The following GRIK3 variants were observed in gnomAD, a reference collection of about 807,000 sequenced individuals.
GRIK3 encodes glutamate ionotropic receptor kainate type subunit 3.
GRIK3 carries 29 observed loss-of-function variants against 102.5 expected under a neutral mutation model. The observed-to-expected ratio is 0.28, with a 90% CI of 0.21 to 0.39. The LOEUF (loss-of-function observed/expected upper bound fraction) is 0.39. GRIK3 is among the 10% of genes least tolerant of loss of function. GRIK3 has a pLI of 1.00. For missense variants in GRIK3, 908 were observed against 1,252.4 expected, an observed-to-expected ratio of 0.73 and a Z score of 4.15; for synonymous variants, 511 against 504.9, an observed-to-expected ratio of 1.01 and a Z score of -0.16.
chr1:36,842,478 C>A (rs1176411626), intron 9 of GRIK3, among the ~76,000 whole-genome samples: 2 of 152,200 alleles, frequency 1.3e-5, no homozygotes, highest in African/African-American at 4.8e-5. Context: ...CTTCAGAAAG[C>A]CGTCTGCTCT....
In GRIK3 at chr1:36,862,339, T is replaced by C. The variant is rs145492426; in HGVS notation, c.787-2322A>G. The stretch of plus-strand genomic sequence containing the variant: ...CTTTCAGAGAGCTGGTTGTTAAACA[T>C]TGACTGATGCATCGTTGATTGTCTT... On this transcript the variant is annotated intron_variant, in intron 5 of 15. Coordinates refer to ENST00000373091, the MANE Select transcript of GRIK3 (RefSeq NM_000831.4). 8.4e-4 allele frequency among the ~76,000 whole-genome samples: 128 copies of C among 152,316 alleles called. 2 individuals are homozygous for C. In the East Asian group the frequency reaches 0.02, roughly 24 times the overall value.
At chr1:36,903,765 A>C (rs1431170081) in intron 1 of GRIK3, among the ~76,000 whole-genome samples, 1 of 152,222 alleles carries the variant, frequency 6.6e-6, no homozygotes, top group Admixed American at 6.5e-5. Flanking sequence ...TGGAAAAGGC[A>C]TAACTATGGA....
rs1043600261 is a variant in GRIK3 at position 36,872,520 on chromosome 1, G to A, written c.551-151C>T. 8.7e-5 allele frequency: 52 copies of A among 599,752 alleles called. No individual in the cohort carries two copies. The highest frequency in any genetic ancestry group is 4.2e-4 in the East Asian group (14 of 33,442). 37.2% of individuals were successfully genotyped at this position (599,752 alleles called of 1,614,324 possible). On this transcript the variant is annotated intron_variant, in intron 3 of 15. Coordinates refer to ENST00000373091, the MANE Select transcript of GRIK3 (RefSeq NM_000831.4). The surrounding 1 kb of genome is among the most constrained non-coding windows in gnomAD (Gnocchi z 5.9). ...ACGTGGCCCACAGAGACTTGTGCAC[G>A]TGCATGGACAACACTGGAGAGCAGG...
rs561581432 is a variant in GRIK3, at chr1:36,992,332, G to A, written c.115+41662C>T. ...GGAGAGGCTGGAGAGGGAGGTGTGG[G>A]TGGGATGGTGGGGTCATAGACGCCC... On this transcript the variant is annotated intron_variant, in intron 1 of 15. Coordinates refer to ENST00000373091, the MANE Select transcript of GRIK3 (RefSeq NM_000831.4). Among the ~76,000 whole-genome samples, 49 of 152,298 alleles carry A rather than the reference G, an allele frequency of 3.2e-4. No individual in the cohort carries two copies. In the South Asian group the frequency reaches 9.3e-3, roughly 29 times the overall value.
chr1:36,991,949 G>A (rs1642367788), intron 1 of GRIK3, among the ~76,000 whole-genome samples: 1 of 152,220 alleles, frequency 6.6e-6, no homozygotes, highest in Admixed American at 6.5e-5. Flanking sequence ...GCCCTCAGCT[G>A]TTCCCAGCAG....
chr1:37,006,356 A>G (rs1455985364), intron 1 of GRIK3, among the ~76,000 whole-genome samples: 1 of 152,246 alleles, frequency 6.6e-6, no homozygotes, highest in Non-Finnish European at 1.5e-5. Context: ...GGCAAGGCCT[A>G]AATATAGCCA....
chr1:36,839,053 G>A (rs973507166), intron 10 of GRIK3, among the ~76,000 whole-genome samples: 12 of 152,306 alleles, frequency 7.9e-5, no homozygotes, highest in African/African-American at 2.9e-4. Flanking sequence ...GGGCTTCTCT[G>A]ATCACATTCC....
intron 1 of GRIK3, among the ~76,000 whole-genome samples, chr1:36,954,434 G>A (rs533872): frequency 0.037 from 5,618 of 152,320 alleles, 191 homozygotes; most frequent in South Asian, 0.082. Flanking sequence ...GGTCATCTGC[G>A]GGAGAAGTGA....
chr1:36,911,686 G>C (rs1464442528), intron 1 of GRIK3, among the ~76,000 whole-genome samples: 1 of 152,020 alleles, frequency 6.6e-6, no homozygotes, highest in Admixed American at 6.5e-5. Flanking sequence ...TTGCAGAATC[G>C]ACCGTGTTGG....
At chr1:36,879,013 A>C (rs539475639) in intron 3 of GRIK3, among the ~76,000 whole-genome samples, 1 of 151,980 alleles carries the variant, frequency 6.6e-6, no homozygotes, top group Non-Finnish European at 1.5e-5. Context: ...GAAGGCAGGG[A>C]CCAGGCAGCG....
rs192697999 is a variant in GRIK3 at position 36,820,385 on chromosome 1, A to C, written c.1755-531T>G. 3.1e-3 allele frequency among the ~76,000 whole-genome samples: 476 copies of C among 152,344 alleles called. 4 individuals carry two copies. Among genetic ancestry groups the C allele is most frequent in the African/African-American group, 0.011 (454 of 41,582 alleles). ...AAAAATATTAAAAGCAATGTATTAA[A>C]AGCAATAGAAAATAAGAACAATATG... On this transcript the variant is annotated intron_variant, in intron 11 of 15. Transcript: ENST00000373091.
intron 15 of GRIK3, among the ~76,000 whole-genome samples, chr1:36,802,716 T>C (rs1389512209): frequency 6.6e-6 from 1 of 152,168 alleles, no homozygotes; most frequent in Admixed American, 6.5e-5. Flanking sequence ...CCAGAGGTTG[T>C]CCTGCAGCTT....
chr1:36,898,455 T>C (rs1294548741), intron 1 of GRIK3, among the ~76,000 whole-genome samples: 2 of 152,136 alleles, frequency 1.3e-5, no homozygotes, highest in Admixed American at 6.5e-5. Context: ...CATAAATATA[T>C]ACATCTATTA....
intron 1 of GRIK3, among the ~76,000 whole-genome samples, chr1:36,988,808 T>C (rs191449466): frequency 6.6e-6 from 1 of 151,938 alleles, no homozygotes; most frequent in Non-Finnish European, 1.5e-5. Flanking sequence ...GACAAGAGAG[T>C]CCTTGACAAC....
chr1:37,000,815 A>C (rs1642468968), intron 1 of GRIK3, among the ~76,000 whole-genome samples: 1 of 152,146 alleles, frequency 6.6e-6, no homozygotes. Context: ...ACAGTGGGAG[A>C]AAAGGTGAGC....
At chr1:36,804,050 A>T (rs186658953) in intron 15 of GRIK3, among the ~76,000 whole-genome samples, 11 of 152,380 alleles carry the variant, frequency 7.2e-5, no homozygotes, top group Non-Finnish European at 1.3e-4. Context: ...GACTTCCCTC[A>T]GCAATGCTGG....
At chr1:36,973,043 A>G (rs2124359419) in intron 1 of GRIK3, among the ~76,000 whole-genome samples, 1 of 152,332 alleles carries the variant, frequency 6.6e-6, no homozygotes, top group South Asian at 2.1e-4. Context: ...AAAGTCAGGT[A>G]TCAGTGACCC....
At chr1:36,915,493 G>A (rs946034473) in intron 1 of GRIK3, among the ~76,000 whole-genome samples, 1 of 152,194 alleles carries the variant, frequency 6.6e-6, no homozygotes, top group Admixed American at 6.5e-5. Context: ...GGGAACAAGT[G>A]GAAAGTGGTT....
chr1:36,861,251 T>C (rs970335931), intron 5 of GRIK3, among the ~76,000 whole-genome samples: 34 of 152,208 alleles, frequency 2.2e-4, no homozygotes, highest in Non-Finnish European at 4.0e-4. Context: ...ATGGTTTTGA[T>C]TTTTTGAAAT....
Sources: gnomAD v4.1 joint callset for allele counts (sites outside exome capture counted in the v4.1 genomes callset) on GRCh38, gnomAD v4.1.1 for gene constraint, Gnocchi (gnomAD v3.1) non-coding constraint, MANE v1.5 for transcripts, NCBI Gene and HGNC (gene_info 2026-07-23, HGNC 2026-07-21) for gene names.